The following HPCA variants were observed in gnomAD, a reference collection of about 807,000 sequenced individuals.
HPCA encodes the protein neuron-specific calcium-binding protein hippocalcin.
In HPCA, 4 loss-of-function variants were observed where a neutral mutation model predicts 18.2. That is an observed-to-expected ratio of 0.22 (90% CI 0.11 to 0.50). The LOEUF is 0.50. Ranked by LOEUF, HPCA falls within the 20% of genes least tolerant of loss-of-function variation. The pLI, the probability that HPCA is intolerant of heterozygous loss-of-function variation, is 0.97. For missense variants in HPCA, 161 were observed against 265.8 expected, an observed-to-expected ratio of 0.61 and a Z score of 2.74; for synonymous variants, 93 against 103.5, an observed-to-expected ratio of 0.90 and a Z score of 0.61.
rs1413646405 is a variant in HPCA, at chr1:32,894,552, C to A, written c.*690C>A. ...GTCCCCCTGGCTGAGCCCCTGTCCT[C>A]CCCTCTGTCCCCCCAACCGCCCCCC... On this transcript the variant is annotated 3_prime_UTR_variant, in exon 4 of 4. Coordinates refer to ENST00000373467, the MANE Select transcript of HPCA (RefSeq NM_002143.3). The A allele has an allele frequency of 1.3e-5, 6 of 447,102 alleles. No homozygotes were observed. Among genetic ancestry groups the A allele is most frequent in the African/African-American group, 5.8e-5 (3 of 51,300 alleles). The allele number at this position is 447,102 out of a possible 1,614,324, so 27.7% of individuals were successfully genotyped here.
intron 2 of HPCA, among the ~76,000 whole-genome samples, chr1:32,891,029 T>C (rs1027619336): frequency 6.6e-6 from 1 of 152,218 alleles, no homozygotes; most frequent in Non-Finnish European, 1.5e-5. Context: ...TCTGAAGGAA[T>C]GTTGGCATTT....
At chr1:32,887,801 C>T (rs994562816) in intron 1 of HPCA, among the ~76,000 whole-genome samples, 9 of 152,004 alleles carry the variant, frequency 5.9e-5, no homozygotes, top group South Asian at 4.2e-4. Flanking sequence ...CATGTGGGGT[C>T]GTGGGCTGGT....
upstream of HPCA, chr1:32,886,450 C>G (rs1041440913): frequency 1.3e-5 from 2 of 152,098 alleles, no homozygotes; most frequent in African/African-American, 4.8e-5. This position sits in a 1 kb window ranked among gnomAD's most constrained non-coding sequence, Gnocchi z 7.0. Context: ...CCCCTCCTGC[C>G]GCCCCTGCCG....
At position 32,893,501 on chromosome 1, in the gene HPCA, C is replaced by T. The variant is rs774067129; in HGVS notation, c.379-23C>T. ...GGGCTCGGGCAGGCTCCTCTCACTC[C>T]CCGCCTCCCCTCCCGCCCCCAGGCC... On this transcript the variant is annotated intron_variant, in intron 2 of 3. Coordinates refer to ENST00000373467, the MANE Select transcript of HPCA (RefSeq NM_002143.3). This position sits in a 1 kb window ranked among gnomAD's most constrained non-coding sequence, Gnocchi z 7.5. The T allele has an allele frequency of 2.2e-5, 34 of 1,552,826 alleles. No homozygotes were observed. Among genetic ancestry groups the T allele is most frequent in the Non-Finnish European group, 2.5e-5 (28 of 1,125,998 alleles).
In HPCA at chr1:32,893,684, C is replaced by T. The variant is rs563416952; in HGVS notation, c.484+55C>T. On this transcript the variant is annotated intron_variant, in intron 3 of 3. Transcript: ENST00000373467. The surrounding 1 kb of genome is among the most constrained non-coding windows in gnomAD (Gnocchi z 7.5). ...GGGGCGGGCGCCTTTCCCTCCCTCC[C>T]TCCCTGCCTCCCTTTCCCGCTCCGC... The T allele has an allele frequency of 1.4e-6, 2 of 1,461,142 alleles. No homozygotes were observed. The highest frequency in any genetic ancestry group is 2.8e-5 in the African/African-American group (2 of 71,716). 90.5% of individuals were successfully genotyped at this position (1,461,142 alleles called of 1,614,324 possible).
rs112786477 is a variant in HPCA at position 32,891,580 on chromosome 1, G to T, written c.379-1944G>T. On this transcript the variant is annotated intron_variant, in intron 2 of 3. Coordinates refer to ENST00000373467, the MANE Select transcript of HPCA (RefSeq NM_002143.3). Reference sequence around the variant, plus strand: ...ATGAATAATGACTATAATATGAGCTGCTGTTTACTGACCACCCACTCTAGC... The same window carrying T: ...ATGAATAATGACTATAATATGAGCTTCTGTTTACTGACCACCCACTCTAGC... 2.2e-3 allele frequency among the ~76,000 whole-genome samples: 338 copies of T among 152,276 alleles called. 1 individual carries two copies. The highest frequency in any genetic ancestry group is 3.5e-3 in the Admixed American group (53 of 15,294).
intron 1 of HPCA, among the ~76,000 whole-genome samples, chr1:32,888,227 A>G (rs940433982): frequency 3.3e-5 from 5 of 152,218 alleles, no homozygotes; most frequent in Non-Finnish European, 1.5e-5. Flanking sequence ...CCAAGGTCAC[A>G]TAGCTGGTAA....
chr1:32,890,242 G>A (rs1641434065), intron 2 of HPCA, among the ~76,000 whole-genome samples: 1 of 152,230 alleles, frequency 6.6e-6, no homozygotes, highest in African/African-American at 2.4e-5. Flanking sequence ...TCCAGTTCTG[G>A]AAGTGGCCTT....
At chr1:32,887,029 C>T (rs1319534447) in intron 1 of HPCA, among the ~76,000 whole-genome samples, 1 of 152,198 alleles carries the variant, frequency 6.6e-6, no homozygotes, top group Non-Finnish European at 1.5e-5. Context: ...GTTCCTTGGA[C>T]CTTGAGGAGG....
intron 2 of HPCA, among the ~76,000 whole-genome samples, chr1:32,891,201 G>A (rs980600737): frequency 6.6e-6 from 1 of 152,216 alleles, no homozygotes; most frequent in Admixed American, 6.5e-5. Flanking sequence ...AGGGCGGCCC[G>A]GGGGCCCCAG....
intron 1 of HPCA, among the ~76,000 whole-genome samples, chr1:32,888,006 C>A (rs1641399023): frequency 6.6e-6 from 1 of 152,116 alleles, no homozygotes; most frequent in Non-Finnish European, 1.5e-5. Flanking sequence ...GGTATACATT[C>A]ATTTGCACAG....
At position 32,893,735 on chromosome 1, in the gene HPCA, T is replaced by G. The variant is rs762999698; in HGVS notation, c.485-30T>G. ...CTCCCCTCGCTAGGCTGCCGCCTCC[T>G]CCCCCATCACCGCTCCCCTCGCCCT... is the stretch of plus-strand genomic sequence containing the variant. On this transcript the variant is annotated intron_variant, in intron 3 of 3. Coordinates refer to ENST00000373467, the MANE Select transcript of HPCA (RefSeq NM_002143.3). The surrounding 1 kb of genome is among the most constrained non-coding windows in gnomAD (Gnocchi z 7.5). 1.5e-6 allele frequency: 2 copies of G among 1,330,584 alleles called. No homozygotes were observed. Among genetic ancestry groups the G allele is most frequent in the East Asian group, 4.3e-5 (1 of 23,458 alleles). 82.4% of individuals were successfully genotyped at this position (1,330,584 alleles called of 1,614,324 possible).
upstream of HPCA, chr1:32,886,463 C>G (rs1474840575): frequency 6.6e-6 from 1 of 152,360 alleles, no homozygotes; most frequent in South Asian, 2.1e-4. This position sits in a 1 kb window ranked among gnomAD's most constrained non-coding sequence, Gnocchi z 7.0. Flanking sequence ...CCCTGCCGCG[C>G]GCGCCGCAGC....
At chr1:32,888,767 C>T (rs1641410034) in intron 1 of HPCA, 111 bp from the exon 2 acceptor site, 3 of 1,038,004 alleles carry the variant, frequency 2.9e-6, no homozygotes, top group African/African-American at 1.6e-5. Flanking sequence ...TTTCACTGGG[C>T]CAAACAAGAG....
At chr1:32,887,844 G>A (rs1040529425) in intron 1 of HPCA, among the ~76,000 whole-genome samples, 6 of 152,022 alleles carry the variant, frequency 3.9e-5, no homozygotes, top group Non-Finnish European at 7.4e-5. Flanking sequence ...GGAGTTGTGC[G>A]TGGTGCCATG....
intron 2 of HPCA, among the ~76,000 whole-genome samples, chr1:32,890,414 T>C (rs1314020048): frequency 6.6e-6 from 1 of 152,262 alleles, no homozygotes; most frequent in East Asian, 1.9e-4. Flanking sequence ...TGGCCAGGGC[T>C]CTGGCTCTAT....
At chr1:32,888,315 G>A (rs1641403998) in intron 1 of HPCA, among the ~76,000 whole-genome samples, 1 of 152,132 alleles carries the variant, frequency 6.6e-6, no homozygotes, top group African/African-American at 2.4e-5. Flanking sequence ...GCCTCTTGTT[G>A]GGCACACCTG....
At chr1:32,888,451 G>T (rs1030975736) in intron 1 of HPCA, among the ~76,000 whole-genome samples, 3 of 152,184 alleles carry the variant, frequency 2.0e-5, no homozygotes, top group Non-Finnish European at 4.4e-5. Flanking sequence ...CACCTCTGTG[G>T]GCAACTCTAG....
intron 2 of HPCA, among the ~76,000 whole-genome samples, chr1:32,890,046 A>G (rs1257291350): frequency 1.3e-5 from 2 of 152,236 alleles, no homozygotes; most frequent in Admixed American, 6.5e-5. Context: ...AGGGCCCACT[A>G]TGAGCCTAGC....
Sources: allele counts gnomAD v4.1 joint callset (sites outside exome capture counted in the v4.1 genomes callset), GRCh38; gene constraint gnomAD v4.1.1; non-coding constraint Gnocchi (gnomAD v3.1); transcripts MANE v1.5; gene names NCBI Gene and HGNC (gene_info 2026-07-23, HGNC 2026-07-21).